Variants in LARS2 observed in about 807,000 individuals in gnomAD.
LARS2 encodes leucine--tRNA ligase, mitochondrial.
In LARS2, 81 loss-of-function variants were observed where a neutral mutation model predicts 116.6. That is an observed-to-expected ratio of 0.69 (90% CI 0.58 to 0.84). The LOEUF is 0.84. Among genes scored for constraint, LARS2 ranks in the 40% least tolerant of loss-of-function variants. The pLI is 0.00. For synonymous variants in LARS2, 396 were observed against 407.2 expected (o/e 0.97, Z 0.33); for missense variants, 968 against 1,114.5 (o/e 0.87, Z 1.87).
chr3:45,433,927 A>C (rs1330561773), intron 6 of LARS2, among the ~76,000 whole-genome samples: 2 of 152,152 alleles, frequency 1.3e-5, no homozygotes, highest in African/African-American at 4.8e-5. Context: ...CACTTCTTTC[A>C]GGCCTCTGTG....
At position 45,541,957 on chromosome 3, in the gene LARS2, G is replaced by C; in HGVS notation, c.2532+1G>C. 6.2e-7 allele frequency: 1 copy of C among 1,614,156 alleles called. No homozygotes were observed. Among genetic ancestry groups the C allele is most frequent in the South Asian group, 1.1e-5 (1 of 91,076 alleles). ...TGAGGTTGTCCAGATGGCAGTTCTG[G>C]TAAGTATCTCCCCTCAACCCCAGAA... On this transcript the variant is annotated splice_donor_variant, in intron 21 of 21. Coordinates refer to ENST00000645846, the MANE Select transcript of LARS2 (RefSeq NM_015340.4). LOFTEE classifies it high-confidence loss of function.
chr3:45,449,311 C>A (rs183824604), intron 7 of LARS2, among the ~76,000 whole-genome samples: 7 of 151,808 alleles, frequency 4.6e-5, no homozygotes, highest in African/African-American at 1.7e-4. Context: ...TACAGGCATG[C>A]GCCACCACGC....
intron 15 of LARS2, among the ~76,000 whole-genome samples, chr3:45,508,392 C>A (rs867086760): frequency 6.6e-6 from 1 of 152,060 alleles, no homozygotes; most frequent in East Asian, 1.9e-4. Flanking sequence ...CCTCCTTCTG[C>A]GCCACTAACT....
intron 4 of LARS2, among the ~76,000 whole-genome samples, chr3:45,411,914 C>T (rs1367354570): frequency 6.6e-6 from 1 of 152,172 alleles, no homozygotes; most frequent in Admixed American, 6.5e-5. Flanking sequence ...TATCATTTAG[C>T]TCCCACTTAT....
intron 20 of LARS2, among the ~76,000 whole-genome samples, chr3:45,527,641 ATCTT>A: frequency 6.6e-6 from 1 of 152,138 alleles, no homozygotes; most frequent in Non-Finnish European, 1.5e-5. Flanking sequence ...AAAAAAAGAA[ATCTT>A]ATCTTTAGGG....
rs758731196 is a variant in LARS2, at chr3:45,485,739, G to A, written c.1066G>A (p.Val356Ile). 1 of 1,611,984 alleles carries A rather than the reference G, an allele frequency of 6.2e-7. No individual in the cohort carries two copies. Among genetic ancestry groups the A allele is most frequent in the South Asian group, 1.1e-5 (1 of 90,804 alleles). Residue 356 changes from valine to isoleucine, a missense_variant, in exon 11 of 22, where the codon GTC becomes ATC. Val to Ile is a conservative substitution (Grantham distance 29, BLOSUM62 3). Transcript: ENST00000645846. The part of the protein sequence containing the change: ...MAVNMLTQQE[V>I]PVVILAKADL... Reference sequence around the variant, plus strand: ...TGTGAACATGCTTACCCAGCAGGAGGTCCCTGTCGTTATTTTGGCCAAAGC... The same window carrying A: ...TGTGAACATGCTTACCCAGCAGGAGATCCCTGTCGTTATTTTGGCCAAAGC...
intron 16 of LARS2, among the ~76,000 whole-genome samples, chr3:45,514,655 AG>A (rs1270515413): frequency 6.6e-6 from 1 of 152,242 alleles, no homozygotes; most frequent in Non-Finnish European, 1.5e-5. Flanking sequence ...TGATTTCAGT[AG>A]GGCCTGAAAT....
At chr3:45,467,029 G>A (rs1468186920) in intron 8 of LARS2, among the ~76,000 whole-genome samples, 2 of 152,198 alleles carry the variant, frequency 1.3e-5, no homozygotes, top group Non-Finnish European at 2.9e-5. Context: ...GCACATTAGC[G>A]ATAGGAAATG....
intron 10 of LARS2, among the ~76,000 whole-genome samples, chr3:45,478,525 T>A (rs1699650399): frequency 6.6e-6 from 1 of 152,242 alleles, no homozygotes; most frequent in Admixed American, 6.5e-5. Context: ...AAATTTTTTT[T>A]AGTACACGCA....
intron 6 of LARS2, among the ~76,000 whole-genome samples, chr3:45,423,416 G>A (rs986402482): frequency 6.6e-6 from 1 of 152,078 alleles, no homozygotes; most frequent in African/African-American, 2.4e-5. Context: ...AGGTTCAAGC[G>A]ATTCTTGTGC....
intron 13 of LARS2, among the ~76,000 whole-genome samples, chr3:45,494,007 C>A (rs1375364738): frequency 6.6e-6 from 1 of 152,176 alleles, no homozygotes; most frequent in Non-Finnish European, 1.5e-5. Context: ...TGGTTGATTG[C>A]TCTCCAAATA....
chr3:45,490,791 A>G (rs1241171397), intron 12 of LARS2, among the ~76,000 whole-genome samples: 1 of 152,250 alleles, frequency 6.6e-6, no homozygotes, highest in Non-Finnish European at 1.5e-5. Flanking sequence ...CCAGGTTGTT[A>G]CCAAGCCACA....
chr3:45,524,372 C>T (rs114708077), intron 20 of LARS2, among the ~76,000 whole-genome samples: 1 of 152,292 alleles, frequency 6.6e-6, no homozygotes, highest in African/African-American at 2.4e-5. Flanking sequence ...AATCCCTTCT[C>T]GTGACTCAGC....
chr3:45,425,862 C>G (rs1049031176), intron 6 of LARS2, among the ~76,000 whole-genome samples: 5 of 151,534 alleles, frequency 3.3e-5, no homozygotes, highest in African/African-American at 1.2e-4. Context: ...CACGGAATCT[C>G]AGTTTGCAAA....
Position 45,513,231 on chromosome 3 carries a change from C to G in LARS2, c.1857C>G (p.Leu619=), listed in dbSNP as rs751199518. 2 of 1,603,108 alleles carry G rather than the reference C, an allele frequency of 1.2e-6. No individual in the cohort carries two copies. The highest frequency in any genetic ancestry group is 1.7e-6 in the Non-Finnish European group (2 of 1,169,866). ...ATCTACAGAGAGAGGAAGTGGATCT[C>G]ACAGGTAAGAATGGCCCATCTGGTC... ...GQYLQREEVD[L]TGSVPVHAKT... The change falls in exon 16 of 22, where the codon CTC becomes CTG. Residue 619 remains leucine, a synonymous_variant. Coordinates refer to ENST00000645846, the MANE Select transcript of LARS2 (RefSeq NM_015340.4).
intron 6 of LARS2, among the ~76,000 whole-genome samples, chr3:45,440,876 A>G (rs1028031277): frequency 1.3e-5 from 2 of 152,052 alleles, no homozygotes; most frequent in African/African-American, 4.8e-5. Flanking sequence ...TCGAAAAGCC[A>G]ATATTTGTTA....
intron 6 of LARS2, among the ~76,000 whole-genome samples, chr3:45,436,658 G>A (rs1319408578): frequency 6.6e-6 from 1 of 151,842 alleles, no homozygotes; most frequent in East Asian, 1.9e-4. Flanking sequence ...GCCGGGCGCG[G>A]TGGCGGGCGC....
chr3:45,410,162 G>A (rs1449035779), intron 4 of LARS2, among the ~76,000 whole-genome samples: 1 of 152,140 alleles, frequency 6.6e-6, no homozygotes, highest in East Asian at 1.9e-4. Context: ...CCCCTTTCTT[G>A]TGGAACAGTT....
At chr3:45,535,104 A>C (rs775718202) in intron 20 of LARS2, among the ~76,000 whole-genome samples, 30 of 152,178 alleles carry the variant, frequency 2.0e-4, no homozygotes, top group Non-Finnish European at 3.5e-4. Flanking sequence ...TTGTAATCCC[A>C]GCACTTTGGG....
Sources: allele counts gnomAD v4.1 joint callset (sites outside exome capture counted in the v4.1 genomes callset), GRCh38; gene constraint gnomAD v4.1.1; transcripts MANE v1.5; gene names NCBI Gene and HGNC (gene_info 2026-07-23, HGNC 2026-07-21).